Variants in PTPRD observed in about 807,000 individuals in gnomAD.
PTPRD encodes the protein receptor-type tyrosine-protein phosphatase delta.
A neutral mutation model predicts 214.5 loss-of-function variants in PTPRD; 34 were observed. That is an observed-to-expected ratio of 0.16 (90% CI 0.12 to 0.21). PTPRD has a LOEUF of 0.21. Ranked by LOEUF, PTPRD falls within the 10% of genes least tolerant of loss-of-function variation. The pLI, the probability that PTPRD is intolerant of heterozygous loss-of-function variation, is 1.00. For synonymous variants in PTPRD, 1,128 were observed against 845.7 expected (o/e 1.33, Z -5.79); for missense variants, 2,545 against 2,398.7 (o/e 1.06, Z -1.27).
At chr9:9,352,325 ATATGTGTGTGTG>A (rs2051614505) in intron 9 of PTPRD, among the ~76,000 whole-genome samples, 2 of 142,594 alleles carry the variant, frequency 1.4e-5, no homozygotes, top group Admixed American at 7.2e-5. Flanking sequence ...ATATATATAT[ATATGTGTGTGTG>A]TGTGTGTGTG....
intron 2 of PTPRD, among the ~76,000 whole-genome samples, chr9:10,575,549 A>C (rs1468482387): frequency 6.6e-6 from 1 of 152,126 alleles, no homozygotes; most frequent in Non-Finnish European, 1.5e-5. Flanking sequence ...CTTCTTTTAA[A>C]TCAGTCTTGT....
intron 10 of PTPRD, among the ~76,000 whole-genome samples, chr9:9,053,604 C>A (rs534101416): frequency 6.6e-6 from 1 of 152,248 alleles, no homozygotes; most frequent in African/African-American, 2.4e-5. Flanking sequence ...TGATTTTTGA[C>A]TTCTTGACTC....
At chr9:9,606,273 G>A (rs369552729) in intron 7 of PTPRD, among the ~76,000 whole-genome samples, 1 of 151,930 alleles carries the variant, frequency 6.6e-6, no homozygotes, top group Non-Finnish European at 1.5e-5. Context: ...AACAGACCCT[G>A]GAGCTATTTC....
In PTPRD at chr9:8,526,628, T is replaced by C; in HGVS notation, c.567A>G (p.Arg189=). 1 of 1,583,006 alleles carries C rather than the reference T, an allele frequency of 6.3e-7. No individual in the cohort carries two copies. Among genetic ancestry groups the C allele is most frequent in the South Asian group, 1.2e-5 (1 of 85,984 alleles). Residue 189 remains arginine, a splice_region_variant and synonymous_variant, in exon 17 of 46, where the codon AGA becomes AGG. Transcript: ENST00000381196. ...TGAACGTTAGTTCAGCACTCTTACC[T>C]CTTATTGGTGTACCACCTGGGTGGA... ...RSESIGGTPI[R]GALQIEQSEE...
intron 8 of PTPRD, among the ~76,000 whole-genome samples, chr9:9,483,609 G>A (rs2095506595): frequency 6.6e-6 from 1 of 151,978 alleles, no homozygotes; most frequent in African/African-American, 2.4e-5. Flanking sequence ...TCACATTTTG[G>A]TCTTTGTCTC....
At chr9:9,751,029 C>A (rs112824787) in intron 6 of PTPRD, among the ~76,000 whole-genome samples, 1 of 152,074 alleles carries the variant, frequency 6.6e-6, no homozygotes, top group African/African-American at 2.4e-5. Context: ...GCAACTTACA[C>A]GACTTCAGAA....
In PTPRD at chr9:8,534,020, T is replaced by C. The variant is rs186064692; in HGVS notation, c.353-5241A>G. 2.3e-3 allele frequency among the ~76,000 whole-genome samples: 350 copies of C among 152,138 alleles called. 2 individuals carry two copies. The highest frequency in any genetic ancestry group is 8.3e-3 in the African/African-American group (343 of 41,536). ...ATTATTTTAGTGTCATAAGGAGTAT[T>C]AGAATTAGAGACTTAAAAAATGGCT... On this transcript the variant is annotated intron_variant, in intron 14 of 45. Transcript: ENST00000381196.
chr9:10,400,509 G>A (rs948478319), intron 2 of PTPRD, among the ~76,000 whole-genome samples: 1 of 151,520 alleles, frequency 6.6e-6, no homozygotes, highest in Non-Finnish European at 1.5e-5. Context: ...ACTTTAAAAT[G>A]CATTCACTGG....
intron 3 of PTPRD, among the ~76,000 whole-genome samples, chr9:10,281,997 A>C (rs1281066856): frequency 6.6e-6 from 1 of 152,142 alleles, no homozygotes; most frequent in East Asian, 1.9e-4. Context: ...AATAAAAAAA[A>C]AAAAGGTGCA....
intron 8 of PTPRD, among the ~76,000 whole-genome samples, chr9:9,497,000 G>A (rs1031862294): frequency 2.6e-5 from 4 of 152,090 alleles, no homozygotes; most frequent in African/African-American, 9.7e-5. Flanking sequence ...CATAAAAAAA[G>A]ACAAATACTA....
chr9:8,335,375 GA>G (rs919131883), intron 43 of PTPRD, among the ~76,000 whole-genome samples: 4 of 151,636 alleles, frequency 2.6e-5, no homozygotes, highest in African/African-American at 9.8e-5. Context: ...CACATACACA[GA>G]ACCAATGACA....
intron 8 of PTPRD, among the ~76,000 whole-genome samples, chr9:9,520,287 T>TTATA (rs1219816693): frequency 2.9e-4 from 22 of 76,036 alleles, no homozygotes; most frequent in Non-Finnish European, 7.1e-4. Flanking sequence ...ATATATTAAG[T>TTATA]TATATATATA....
At chr9:10,270,292 A>T (rs950628472) in intron 3 of PTPRD, among the ~76,000 whole-genome samples, 5 of 152,170 alleles carry the variant, frequency 3.3e-5, no homozygotes, top group African/African-American at 1.2e-4. Flanking sequence ...AAAGTTTATT[A>T]TGCTGATATA....
chr9:8,698,340 C>T (rs1449101548), intron 12 of PTPRD, among the ~76,000 whole-genome samples: 2 of 152,112 alleles, frequency 1.3e-5, no homozygotes, highest in African/African-American at 2.4e-5. Context: ...TCAAGGACAG[C>T]GAAGACGACA....
At chr9:8,902,193 G>C (rs1169308929) in intron 11 of PTPRD, among the ~76,000 whole-genome samples, 2 of 152,098 alleles carry the variant, frequency 1.3e-5, no homozygotes, top group African/African-American at 2.4e-5. Context: ...TTATGACACT[G>C]TCATGTGACA....
chr9:9,250,340 G>C (rs762433366), intron 9 of PTPRD, among the ~76,000 whole-genome samples: 1 of 152,046 alleles, frequency 6.6e-6, no homozygotes, highest in Non-Finnish European at 1.5e-5. Context: ...GGCATTGCTT[G>C]AATGTTTTGT....
chr9:10,495,244 G>A (rs2041687150), intron 2 of PTPRD, among the ~76,000 whole-genome samples: 1 of 151,698 alleles, frequency 6.6e-6, no homozygotes, highest in East Asian at 1.9e-4. Context: ...TTAAAGGAGT[G>A]CACTTGGGTA....
intron 14 of PTPRD, among the ~76,000 whole-genome samples, chr9:8,588,201 G>A (rs1211993463): frequency 1.3e-5 from 2 of 152,216 alleles, no homozygotes; most frequent in African/African-American, 4.8e-5. Context: ...TTCCTTTGGA[G>A]GGTTCTTGTT....
At chr9:9,918,643 C>A (rs913597763) in intron 5 of PTPRD, among the ~76,000 whole-genome samples, 2 of 152,004 alleles carry the variant, frequency 1.3e-5, no homozygotes, top group Non-Finnish European at 2.9e-5. Flanking sequence ...CGCTACCAGA[C>A]TTCAAAATAC....
Sources: gnomAD v4.1 joint callset for allele counts (sites outside exome capture counted in the v4.1 genomes callset) on GRCh38, gnomAD v4.1.1 for gene constraint, MANE v1.5 for transcripts, NCBI Gene and HGNC (gene_info 2026-07-23, HGNC 2026-07-21) for gene names.